Variants in IGHMBP2 observed in about 807,000 individuals in gnomAD.
IGHMBP2 encodes immunoglobulin mu DNA binding protein 2.
Under a neutral mutation model 96.0 loss-of-function variants are expected in IGHMBP2, and 81 were observed. The ratio of observed to expected loss-of-function variants is 0.84; its 90% CI spans 0.71 to 1.01. The LOEUF (loss-of-function observed/expected upper bound fraction) is 1.01. IGHMBP2 is among the 50% of genes least tolerant of loss of function. The pLI, the probability that IGHMBP2 is intolerant of heterozygous loss-of-function variation, is 0.00. For synonymous variants in IGHMBP2, 557 were observed against 548.9 expected, an observed-to-expected ratio of 1.01 and a Z score of -0.21; for missense variants, 1,227 against 1,306.3, an observed-to-expected ratio of 0.94 and a Z score of 0.94.
At chr11:68,938,424 CCCTGGGCAGACTTGT>C in intron 14 of IGHMBP2, 70 bp downstream of exon 14, 1 of 1,410,126 alleles carries the variant, frequency 7.1e-7, no homozygotes. Flanking sequence ...AGGAAGCAGA[CCCTGGGCAGACTTGT>C]TCCAGTCGGA....
rs372930438 is a variant in IGHMBP2 at position 68,936,010 on chromosome 11, C to T, written c.1757-227C>T. On this transcript the variant is annotated intron_variant, in intron 12 of 14. Transcript: ENST00000255078. ...GAGGCTGGGCTTAGAAGGAAAGGAG[C>T]GACAGAACCCAGTCGGGTTCCCCAG... Among the ~76,000 whole-genome samples, 17 of 152,312 alleles carry T rather than the reference C, an allele frequency of 1.1e-4. No homozygotes were observed. In the East Asian group the frequency reaches 1.2e-3, roughly 10 times the overall value.
At chr11:68,923,057 G>A (rs1001397066) in intron 7 of IGHMBP2, among the ~76,000 whole-genome samples, 5 of 151,918 alleles carry the variant, frequency 3.3e-5, no homozygotes, top group Admixed American at 1.3e-4. Context: ...GGTCTCTTTC[G>A]ATGAACTGTT....
intron 6 of IGHMBP2, among the ~76,000 whole-genome samples, chr11:68,917,305 A>G (rs953459618): frequency 6.6e-6 from 1 of 152,112 alleles, no homozygotes; most frequent in Non-Finnish European, 1.5e-5. Context: ...TATTAAAGTA[A>G]GTTGAGGTTT....
chr11:68,915,322 G>A (rs1858618541), intron 6 of IGHMBP2, among the ~76,000 whole-genome samples: 1 of 151,554 alleles, frequency 6.6e-6, no homozygotes, highest in Non-Finnish European at 1.5e-5. Context: ...TGGGACTGCA[G>A]GTGCGTGTCA....
intron 7 of IGHMBP2, among the ~76,000 whole-genome samples, chr11:68,922,793 TGCA>T (rs1858928584): frequency 6.6e-6 from 1 of 152,234 alleles, no homozygotes; most frequent in Non-Finnish European, 1.5e-5. Context: ...CGTCGTGTTG[TGCA>T]GCAGATCTAT....
chr11:68,928,645 G>A (rs965258114), intron 7 of IGHMBP2, among the ~76,000 whole-genome samples: 4 of 152,162 alleles, frequency 2.6e-5, no homozygotes, highest in African/African-American at 9.7e-5. Context: ...CTCGCCTGAG[G>A]CCCCACACTG....
chr11:68,923,899 T>C (rs1485441917), intron 7 of IGHMBP2, among the ~76,000 whole-genome samples: 1 of 152,182 alleles, frequency 6.6e-6, no homozygotes, highest in Non-Finnish European at 1.5e-5. Flanking sequence ...TCCTGGAAAC[T>C]CTGCCTGCAT....
At chr11:68,937,663 G>A (rs985621501) in intron 13 of IGHMBP2, 8 of 229,960 alleles carry the variant, frequency 3.5e-5, no homozygotes, top group African/African-American at 6.8e-5. Flanking sequence ...CCAGGCATAC[G>A]CTGGCAGAGC....
intron 2 of IGHMBP2, 27 bp downstream of exon 2, chr11:68,906,265 A>G (rs201488313): frequency 2.5e-6 from 4 of 1,612,576 alleles, no homozygotes; most frequent in South Asian, 1.1e-5. Context: ...CTAGACAGAC[A>G]TTGAAATTTA....
At chr11:68,923,757 G>A (rs1192311829) in intron 7 of IGHMBP2, among the ~76,000 whole-genome samples, 1 of 152,104 alleles carries the variant, frequency 6.6e-6, no homozygotes, top group Non-Finnish European at 1.5e-5. Flanking sequence ...TTCTCTCATT[G>A]TTTTGGATGG....
At chr11:68,918,784 G>A (rs1293537686) in intron 7 of IGHMBP2, among the ~76,000 whole-genome samples, 1 of 152,082 alleles carries the variant, frequency 6.6e-6, no homozygotes, top group Non-Finnish European at 1.5e-5. Flanking sequence ...AGGATTACAG[G>A]TGGACCCACC....
chr11:68,912,762 G>A (rs1220538945), intron 5 of IGHMBP2, among the ~76,000 whole-genome samples: 4 of 151,888 alleles, frequency 2.6e-5, no homozygotes, highest in Admixed American at 6.6e-5. Flanking sequence ...CAAGGAAGCC[G>A]GGTGTGGTGG....
chr11:68,930,532 A>G (rs765739682), intron 8 of IGHMBP2: 16 of 1,240,458 alleles, frequency 1.3e-5, no homozygotes, highest in Non-Finnish European at 1.6e-5. Flanking sequence ...GTGCTGAGGA[A>G]AGGTGCTCTG....
chr11:68,914,292 CAA>C (rs35858423), intron 5 of IGHMBP2, among the ~76,000 whole-genome samples: 1 of 136,148 alleles, frequency 7.3e-6, no homozygotes. Flanking sequence ...CAATTTGTTT[CAA>C]AAAAAAAAAA....
rs758042947 is a variant in IGHMBP2, at chr11:68,939,760, G to A, written c.*29G>A. The A allele has an allele frequency of 8.9e-6, 14 of 1,581,206 alleles. No individual in the cohort carries two copies. In the East Asian group the frequency reaches 2.1e-4, roughly 23 times the overall value. On this transcript the variant is annotated 3_prime_UTR_variant, in exon 15 of 15. Transcript: ENST00000255078. ...GCCGCATCCTTGCACGCCCCGCGGA[G>A]CTCTCTCCATGGTAGCCCAGGGCGC...
chr11:68,915,310 G>T (rs1286757571), intron 6 of IGHMBP2, among the ~76,000 whole-genome samples: 2 of 151,042 alleles, frequency 1.3e-5, no homozygotes, highest in Non-Finnish European at 2.9e-5. Flanking sequence ...CTCCCTAGTA[G>T]CTGGGACTGC....
chr11:68,923,673 T>G (rs1252899343), intron 7 of IGHMBP2, among the ~76,000 whole-genome samples: 1 of 152,212 alleles, frequency 6.6e-6, no homozygotes, highest in South Asian at 2.1e-4. Context: ...CAATGCACCC[T>G]GTATCATGAG....
intron 8 of IGHMBP2, chr11:68,932,767 ATCTGGGGG>A (rs1402032331): frequency 6.1e-6 from 1 of 164,518 alleles, no homozygotes; most frequent in East Asian, 1.7e-4. Flanking sequence ...AGAAACGACA[ATCTGGGGG>A]TCAGATGTCC....
At chr11:68,910,332 A>G (rs1858380854) in intron 4 of IGHMBP2, among the ~76,000 whole-genome samples, 1 of 152,230 alleles carries the variant, frequency 6.6e-6, no homozygotes, top group South Asian at 2.1e-4. Flanking sequence ...TGAATTAGAA[A>G]TGTATTTACT....
Sources: gnomAD v4.1 joint callset for allele counts (sites outside exome capture counted in the v4.1 genomes callset) on GRCh38, gnomAD v4.1.1 for gene constraint, MANE v1.5 for transcripts, NCBI Gene and HGNC (gene_info 2026-07-23, HGNC 2026-07-21) for gene names.